The following AGBL1 variants were observed in gnomAD, a reference collection of about 807,000 sequenced individuals.
AGBL1 encodes the protein cytosolic carboxypeptidase 4.
In AGBL1, 130 loss-of-function variants were observed where a neutral mutation model predicts 118.9. The ratio of observed to expected loss-of-function variants is 1.09; its 90% CI spans 0.95 to 1.26. AGBL1 has a LOEUF of 1.26. Ranked by LOEUF, AGBL1 falls within the 50% of genes most tolerant of loss-of-function variation. The pLI, the probability that AGBL1 is intolerant of heterozygous loss-of-function variation, is 0.00. For synonymous variants in AGBL1, 555 were observed against 478.9 expected (o/e 1.16, Z -2.08); for missense variants, 1,584 against 1,298.1 (o/e 1.22, Z -3.38).
At chr15:86,654,836 G>T (rs917878359) in intron 21 of AGBL1, among the ~76,000 whole-genome samples, 1 of 152,134 alleles carries the variant, frequency 6.6e-6, no homozygotes, top group African/African-American at 2.4e-5. Context: ...CCTGACTAAA[G>T]ATGCCAGTGA....
chr15:86,964,675 A>G (rs1196680884), intron 23 of AGBL1, among the ~76,000 whole-genome samples: 1 of 151,602 alleles, frequency 6.6e-6, no homozygotes, highest in Non-Finnish European at 1.5e-5. Flanking sequence ...TCTGGGATAC[A>G]TGTGCAGAAT....
intron 1 of AGBL1, among the ~76,000 whole-genome samples, chr15:86,129,806 G>T (rs62012440): frequency 6.6e-6 from 1 of 152,120 alleles, no homozygotes; most frequent in Non-Finnish European, 1.5e-5. Context: ...GAAGTAACTC[G>T]TTGATAGATT....
intron 21 of AGBL1, among the ~76,000 whole-genome samples, chr15:86,572,019 C>A (rs1376315580): frequency 6.6e-6 from 1 of 152,184 alleles, no homozygotes; most frequent in Non-Finnish European, 1.5e-5. Context: ...CTGAGGGGGC[C>A]AAGCCGGCAG....
At chr15:86,366,669 T>G (rs1845934) in intron 17 of AGBL1, among the ~76,000 whole-genome samples, 113,757 of 152,074 alleles carry the variant, frequency 0.75, 43,293 homozygotes, top group Middle Eastern at 0.8. Flanking sequence ...GAAGGATGTT[T>G]CCCATCATAT....
At chr15:86,688,934 T>A (rs2142593950) in intron 22 of AGBL1, among the ~76,000 whole-genome samples, 1 of 152,244 alleles carries the variant, frequency 6.6e-6, no homozygotes, top group East Asian at 1.9e-4. Context: ...GCCTGCATTT[T>A]TAGAATTTTA....
chr15:86,405,234 G>A (rs983510110), intron 18 of AGBL1, among the ~76,000 whole-genome samples: 13 of 151,514 alleles, frequency 8.6e-5, no homozygotes, highest in South Asian at 8.4e-4. Flanking sequence ...ATGCCTGGCC[G>A]GGCGCGGTGG....
Position 86,235,002 on chromosome 15 carries a change from A to C in AGBL1, c.526+10051A>C, listed in dbSNP as rs2078516873. The stretch of plus-strand genomic sequence containing the variant: ...GCTTTTTCTGTAAAAGCGCCAGATG[A>C]TAGTAAATATTTTACGGTTTGTGGA... On this transcript the variant is annotated intron_variant, in intron 6 of 22. Coordinates refer to ENST00000614907, the MANE Select transcript of AGBL1 (RefSeq NM_001386094.1). Among the ~76,000 whole-genome samples, 4 of 152,302 alleles carry C rather than the reference A, an allele frequency of 2.6e-5. No individual in the cohort carries two copies. The South Asian group carries it at 8.3e-4, about 32-fold the overall frequency.
chr15:86,578,269 C>G lies in AGBL1; in HGVS notation c.2994+23732C>G, dbSNP rs1486178106. ...TTTGGAACTTTAAGATTTGACTGCT[C>G]TGCTGGATTTCAGACTTGCATGGGG... On this transcript the variant is annotated intron_variant, in intron 21 of 22. Coordinates refer to ENST00000614907, the MANE Select transcript of AGBL1 (RefSeq NM_001386094.1). Among the ~76,000 whole-genome samples, 7 of 152,246 alleles carry G rather than the reference C, an allele frequency of 4.6e-5. 1 individual carries two copies. In the South Asian group the frequency reaches 1.4e-3, roughly 31 times the overall value.
chr15:86,106,608 A>G (rs1897067910), intron 1 of AGBL1, among the ~76,000 whole-genome samples: 1 of 152,222 alleles, frequency 6.6e-6, no homozygotes, highest in South Asian at 2.1e-4. Flanking sequence ...GATTGTCTTA[A>G]AATGGACAGA....
chr15:86,857,635 C>T (rs2079501960), intron 22 of AGBL1, among the ~76,000 whole-genome samples: 1 of 152,180 alleles, frequency 6.6e-6, no homozygotes, highest in Non-Finnish European at 1.5e-5. Context: ...CTCATATCAT[C>T]ACAGAGAGTA....
chr15:86,308,463 A>C (rs1232946104), intron 17 of AGBL1, among the ~76,000 whole-genome samples: 1 of 152,212 alleles, frequency 6.6e-6, no homozygotes, highest in Non-Finnish European at 1.5e-5. Flanking sequence ...GCACTCTGCT[A>C]TCAGACTTCC....
chr15:86,857,171 AC>A (rs1210187156), intron 22 of AGBL1, among the ~76,000 whole-genome samples: 1 of 152,138 alleles, frequency 6.6e-6, no homozygotes, highest in African/African-American at 2.4e-5. Context: ...TGTCCAGGCC[AC>A]CATTATCTCC....
intron 22 of AGBL1, among the ~76,000 whole-genome samples, chr15:86,707,854 C>T (rs948567752): frequency 3.9e-5 from 6 of 151,978 alleles, no homozygotes; most frequent in South Asian, 2.1e-4. Flanking sequence ...ATATGTTAAC[C>T]AATCTTTAAA....
At chr15:86,273,353 A>G (rs2079192119) in intron 15 of AGBL1, among the ~76,000 whole-genome samples, 1 of 152,240 alleles carries the variant, frequency 6.6e-6, no homozygotes, top group East Asian at 1.9e-4. Flanking sequence ...CCATGAATGT[A>G]TAATATAATT....
At chr15:86,971,531 G>A (rs1333882802) in intron 23 of AGBL1, among the ~76,000 whole-genome samples, 1 of 151,862 alleles carries the variant, frequency 6.6e-6, no homozygotes, top group African/African-American at 2.4e-5. Flanking sequence ...TAATTAAATA[G>A]TCAAGAACAG....
At chr15:86,279,558 T>C (rs1372522511) in intron 15 of AGBL1, 81 bp from the exon 16 acceptor site, 12 of 1,367,514 alleles carry the variant, frequency 8.8e-6, no homozygotes, top group East Asian at 7.2e-5. Flanking sequence ...ACAAGATTTA[T>C]AGCATCTAGG....
chr15:86,159,166 C>T (rs1198861794), intron 5 of AGBL1, 140 bp downstream of exon 5: 6 of 772,072 alleles, frequency 7.8e-6, no homozygotes, highest in Non-Finnish European at 1.3e-5. Context: ...TGTCTTTATC[C>T]TTTCTCAGTT....
chr15:86,418,928 A>G (rs1282127589), intron 18 of AGBL1, among the ~76,000 whole-genome samples: 2 of 152,138 alleles, frequency 1.3e-5, no homozygotes, highest in African/African-American at 2.4e-5. Context: ...AGGTGTTTTA[A>G]TCTAGAAAAT....
At position 86,146,551 on chromosome 15, in the gene AGBL1, A is replaced by G. The variant is rs559941030; in HGVS notation, c.262+2706A>G. Among the ~76,000 whole-genome samples the G allele has an allele frequency of 2.0e-5, 3 of 152,326 alleles. No homozygotes were observed. In the South Asian group the frequency reaches 6.2e-4, roughly 32 times the overall value. On this transcript the variant is annotated intron_variant, in intron 3 of 22. Transcript: ENST00000614907. ...AAGTATTGCATGTCACATGCTTATC[A>G]TATGTTCAGTGCCCTGGCAAACTAG...
Sources: gnomAD v4.1 joint callset for allele counts (sites outside exome capture counted in the v4.1 genomes callset) on GRCh38, gnomAD v4.1.1 for gene constraint, MANE v1.5 for transcripts, NCBI Gene and HGNC (gene_info 2026-07-23, HGNC 2026-07-21) for gene names.